Variants in KIAA1549 observed in about 807,000 individuals in gnomAD.
KIAA1549 encodes the protein KIAA1549.
KIAA1549 carries 70 observed loss-of-function variants against 156.4 expected under a neutral mutation model. The ratio of observed to expected loss-of-function variants is 0.45; its 90% CI spans 0.37 to 0.55. The LOEUF is 0.55. KIAA1549 is among the 20% of genes least tolerant of loss of function. The pLI is 0.00. For synonymous variants in KIAA1549, 1,103 were observed against 1,066.4 expected (o/e 1.03, Z -0.67); for missense variants, 2,428 against 2,540.9 (o/e 0.96, Z 0.96).
At chr7:138,922,933 C>CA (rs1168523580) in intron 1 of KIAA1549, among the ~76,000 whole-genome samples, 1 of 151,384 alleles carries the variant, frequency 6.6e-6, no homozygotes, top group Non-Finnish European at 1.5e-5. Context: ...TCAGAAAGAC[C>CA]AAAAAATCCC....
intron 1 of KIAA1549, among the ~76,000 whole-genome samples, chr7:138,970,603 C>G (rs1814190363): frequency 6.6e-6 from 1 of 152,190 alleles, no homozygotes; most frequent in Admixed American, 6.5e-5. Context: ...GAGGTGCTTT[C>G]AAAAAGTCGA....
At chr7:138,902,550 G>T (rs1460821410) in intron 8 of KIAA1549, among the ~76,000 whole-genome samples, 1 of 152,194 alleles carries the variant, frequency 6.6e-6, no homozygotes, top group East Asian at 1.9e-4. Context: ...CCAACTTTCT[G>T]TGAGTATGGG....
intron 1 of KIAA1549, among the ~76,000 whole-genome samples, chr7:138,978,432 A>T (rs1268044357): frequency 6.6e-6 from 1 of 152,240 alleles, no homozygotes; most frequent in Admixed American, 6.5e-5. Context: ...AGTCCAAAGC[A>T]TTACAAGTTG....
In KIAA1549 at chr7:138,938,423, T is replaced by C. The variant is rs151117838; in HGVS notation, c.188-18985A>G. 3.0e-3 allele frequency among the ~76,000 whole-genome samples: 448 copies of C among 151,506 alleles called. 2 individuals carry two copies. Among genetic ancestry groups the C allele is most frequent in the African/African-American group, 0.011 (433 of 41,168 alleles). ...CCTTACTTAATTTATTTCCATTCAC[T>C]GGTAATCTTTCCCAAACCCCCTGTT... On this transcript the variant is annotated intron_variant, in intron 1 of 19. Transcript: ENST00000422774.
chr7:138,866,191 C>T (rs578215679), intron 15 of KIAA1549, among the ~76,000 whole-genome samples: 1 of 152,252 alleles, frequency 6.6e-6, no homozygotes, highest in Non-Finnish European at 1.5e-5. Context: ...ACTCTGAAAT[C>T]GCACTGATCC....
chr7:138,956,246 C>T (rs1813661906), intron 1 of KIAA1549, among the ~76,000 whole-genome samples: 1 of 152,068 alleles, frequency 6.6e-6, no homozygotes, highest in Non-Finnish European at 1.5e-5. Context: ...TCCAGGTGAT[C>T]TTCAAGAAAG....
At chr7:138,956,920 G>GAGCTTTAAGAGT (rs1257387505) in intron 1 of KIAA1549, among the ~76,000 whole-genome samples, 38 of 96,192 alleles carry the variant, frequency 4.0e-4, no homozygotes, top group African/African-American at 2.7e-3. Context: ...CCAGGTGGAG[G>GAGCTTTAAGAGT]GGCTAAGGCA....
At chr7:138,862,737 C>T (rs947295953) in intron 15 of KIAA1549, among the ~76,000 whole-genome samples, 9 of 152,000 alleles carry the variant, frequency 5.9e-5, no homozygotes, top group Non-Finnish European at 1.2e-4. Flanking sequence ...TCGAGACCAG[C>T]GTGGCCAACA....
intron 1 of KIAA1549, among the ~76,000 whole-genome samples, chr7:138,947,484 C>T (rs963860209): frequency 5.3e-5 from 8 of 152,124 alleles, no homozygotes; most frequent in Admixed American, 3.9e-4. Flanking sequence ...TGGGTCCACA[C>T]TCCATTAATA....
chr7:138,911,200 G>A lies in KIAA1549; in HGVS notation c.3091C>T (p.Leu1031=). The A allele has an allele frequency of 6.3e-7, 1 of 1,599,162 alleles. No homozygotes were observed. Among genetic ancestry groups the A allele is most frequent in the East Asian group, 2.3e-5 (1 of 44,440 alleles). ...ACAAGGAAAGAAGGTTTCACAGACAGGATTAAAGGAGTCTGGTCACGGACA... is the reference window on the plus strand; with the variant it reads ...ACAAGGAAAGAAGGTTTCACAGACAAGATTAAAGGAGTCTGGTCACGGACA... ...KLVRDQTPLI[L]SVKPSFLVPE... Residue 1031 remains leucine (L), a synonymous_variant, in exon 4 of 20, where the codon CTG becomes TTG. Transcript: ENST00000422774.
chr7:138,839,140 T>C (rs952487829), intron 19 of KIAA1549, among the ~76,000 whole-genome samples: 2 of 152,200 alleles, frequency 1.3e-5, no homozygotes, highest in African/African-American at 2.4e-5. Flanking sequence ...ATGTCTCTTT[T>C]AGGGAAGCAC....
In KIAA1549 at chr7:138,834,430, T is replaced by A. The variant is rs766436262; in HGVS notation, c.*3476A>T. On this transcript the variant is annotated 3_prime_UTR_variant, in exon 20 of 20. Transcript: ENST00000422774. ...TCCCAAAATGCTGGGATTACAGGCG[T>A]GAGCCACCGCGCCTGATCTCTTCGA... 2 of 200,396 alleles carry A rather than the reference T, an allele frequency of 1.0e-5. No homozygotes were observed. Among genetic ancestry groups the A allele is most frequent in the Non-Finnish European group, 2.1e-5 (2 of 97,178 alleles). 12.4% of individuals were successfully genotyped at this position (200,396 alleles called of 1,614,324 possible).
chr7:138,876,145 G>T (rs566811947), intron 12 of KIAA1549, among the ~76,000 whole-genome samples: 22 of 152,100 alleles, frequency 1.4e-4, no homozygotes, highest in Admixed American at 7.2e-4. Context: ...TTTGCTAAAC[G>T]GATGACTCAA....
Position 138,917,369 on chromosome 7 carries a change from AG to A in KIAA1549, c.2256del (p.Ser753ProfsTer28). ...AHFTSAFIET[T>X]SYLESSLISH... Reference sequence around the variant, plus strand: ...GAAATGAGTGAAGACTCAAGATAGGAGGTAGTTTCAATGAAAGCTGAGGTAA... The same window carrying A: ...GAAATGAGTGAAGACTCAAGATAGGAGTAGTTTCAATGAAAGCTGAGGTAA... On this transcript the variant is annotated frameshift_variant, in exon 2 of 20. Coordinates refer to ENST00000422774, the MANE Select transcript of KIAA1549 (RefSeq NM_001164665.2). LOFTEE classifies it high-confidence loss of function. 6.2e-7 allele frequency: 1 copy of A among 1,613,916 alleles called. No individual in the cohort carries two copies. Among genetic ancestry groups the A allele is most frequent in the Non-Finnish European group, 8.5e-7 (1 of 1,179,854 alleles).
At chr7:138,876,398 G>A (rs1811086118) in intron 12 of KIAA1549, 1 of 152,058 alleles carries the variant, frequency 6.6e-6, no homozygotes, top group Admixed American at 6.6e-5. Context: ...TGTCATCCTT[G>A]CACAGGGGCC....
At chr7:138,871,421 A>C in intron 12 of KIAA1549, 59 bp from the exon 13 acceptor site, 3 of 1,389,166 alleles carry the variant, frequency 2.2e-6, no homozygotes, top group Non-Finnish European at 2.9e-6. Flanking sequence ...ACAGCAACTA[A>C]TCAAAATTGT....
At chr7:138,970,955 GAAGA>G (rs926744019) in intron 1 of KIAA1549, among the ~76,000 whole-genome samples, 2 of 36,530 alleles carry the variant, frequency 5.5e-5, no homozygotes, top group Admixed American at 6.9e-4. Flanking sequence ...AGAGAACAAA[GAAGA>G]AAGAAGTGAC....
chr7:138,943,213 TC>T (rs1171089362), intron 1 of KIAA1549, among the ~76,000 whole-genome samples: 1 of 151,664 alleles, frequency 6.6e-6, no homozygotes, highest in South Asian at 2.1e-4. Flanking sequence ...GCGTCACGAG[TC>T]CCCCTCGAGT....
At chr7:138,908,512 A>G (rs1045603858) in intron 5 of KIAA1549, among the ~76,000 whole-genome samples, 2 of 152,216 alleles carry the variant, frequency 1.3e-5, no homozygotes, top group East Asian at 3.8e-4. Flanking sequence ...AGAAACATGG[A>G]AAGTGGATCC....
Sources: gnomAD v4.1 joint callset for allele counts (sites outside exome capture counted in the v4.1 genomes callset) on GRCh38, gnomAD v4.1.1 for gene constraint, MANE v1.5 for transcripts, NCBI Gene and HGNC (gene_info 2026-07-23, HGNC 2026-07-21) for gene names.